Variants in SCN1A observed in about 807,000 individuals in gnomAD.
SCN1A encodes the protein sodium voltage-gated channel alpha subunit 1, also known as sodium channel protein type 1 subunit alpha.
Under a neutral mutation model 193.7 loss-of-function variants are expected in SCN1A, and 13 were observed. The ratio of observed to expected loss-of-function variants is 0.07; its 90% CI spans 0.04 to 0.11. The LOEUF (loss-of-function observed/expected upper bound fraction) is 0.11, where lower values mean the gene tolerates loss of function less well. Among genes scored for constraint, SCN1A ranks in the 10% least tolerant of loss-of-function variants. The pLI is 1.00. For missense variants in SCN1A, 1,432 were observed against 2,451.1 expected, an observed-to-expected ratio of 0.58 and a Z score of 8.78; for synonymous variants, 781 against 843.6, an observed-to-expected ratio of 0.93 and a Z score of 1.29.
chr2:166,092,924 C>T (rs1031801290), intron 2 of SCN1A, among the ~76,000 whole-genome samples: 12 of 151,994 alleles, frequency 7.9e-5, no homozygotes, highest in Non-Finnish European at 1.5e-4. Flanking sequence ...TCCATGTAAC[C>T]CATACTGAAA....
At chr2:166,060,682 A>T (rs1683209677) in intron 4 of SCN1A, 2 of 152,096 alleles carry the variant, frequency 1.3e-5, no homozygotes, top group African/African-American at 4.8e-5. Context: ...ACATGGTGAA[A>T]CCCCATCTCT....
chr2:166,123,263 G>C (rs1478876950), intron 2 of SCN1A, among the ~76,000 whole-genome samples: 1 of 88,562 alleles, frequency 1.1e-5, no homozygotes, highest in Non-Finnish European at 2.2e-5. Context: ...AAAAAAAAAA[G>C]ATTTGTTCAA....
chr2:166,104,593 A>C (rs1021606124), intron 2 of SCN1A, among the ~76,000 whole-genome samples: 4 of 152,034 alleles, frequency 2.6e-5, no homozygotes, highest in Admixed American at 2.6e-4. Context: ...AAATACAAAA[A>C]TTAACCAGGC....
chr2:166,118,298 G>GCTTCTTCTTTTTTTTTTTTTTTT (rs371947861), intron 2 of SCN1A, among the ~76,000 whole-genome samples: 3 of 44,732 alleles, frequency 6.7e-5, no homozygotes, highest in African/African-American at 2.2e-4. Context: ...TTTCTATTTA[G>GCTTCTTCTTTTTTTTTTTTTTTT]TTTCTTTTTT....
chr2:165,991,298 T>G lies in SCN1A; in HGVS notation c.5977A>C (p.Ile1993Leu). 1 of 1,613,650 alleles carries G rather than the reference T, an allele frequency of 6.2e-7. No homozygotes were observed. Among genetic ancestry groups the G allele is most frequent in the Non-Finnish European group, 8.5e-7 (1 of 1,179,816 alleles). ...CCTTCTTGCTCATGTTTTTCCACAA[T>G]TGGCTTTGTCACCCGGTCATAGGAA... ...PPSYDRVTKP[I>L]VEKHEQEGKD... Residue 1993 changes from isoleucine to leucine, a missense_variant, in exon 29 of 29, where the codon ATT (isoleucine) becomes CTT (leucine). Ile to Leu is a conservative substitution (Grantham distance 5). Around this residue, in one of 18 missense-constraint regions of SCN1A, gnomAD observed 148 missense variants for 160.3 expected, o/e 0.92. Coordinates refer to ENST00000674923, the MANE Select transcript of SCN1A (RefSeq NM_001165963.4).
At position 165,987,065 on chromosome 2, in the gene SCN1A, T is replaced by C. The variant is rs1423383697; in HGVS notation, c.*4180A>G. 6.6e-6 allele frequency: 1 copy of C among 152,288 alleles called. No individual in the cohort carries two copies. The highest frequency in any genetic ancestry group is 1.9e-4 in the East Asian group (1 of 5,184). 9.4% of individuals were successfully genotyped at this position (152,288 alleles called of 1,614,324 possible). ...CATCCAGAATTGTGTTTAGTTGTCATAGTTCTTTGACCTCATGGAATTCTT... is the reference window on the plus strand; with the variant it reads ...CATCCAGAATTGTGTTTAGTTGTCACAGTTCTTTGACCTCATGGAATTCTT... On this transcript the variant is annotated 3_prime_UTR_variant, in exon 29 of 29. Transcript: ENST00000674923.
rs1323226241 is a variant in SCN1A at position 166,043,859 on chromosome 2, C to G, written c.1853G>C (p.Arg618Pro). 1 of 1,614,166 alleles carries G rather than the reference C, an allele frequency of 6.2e-7. No homozygotes were observed. Among genetic ancestry groups the G allele is most frequent in the Non-Finnish European group, 8.5e-7 (1 of 1,180,034 alleles). ...LFVPRRHGER[R>P]NSNLSQTSRS... The stretch of plus-strand genomic sequence containing the variant: ...ACTGGTCTGACTCAGGTTGCTGTTG[C>G]GTCTCTCTCCGTGTCGTCGGGGCAC... The change falls in exon 14 of 29, where the codon CGC becomes CCC. Residue 618 changes from arginine (R) to proline (P), a missense_variant. By Grantham distance (103) the Arg-to-Pro change is moderately radical (BLOSUM62 -2). Around this residue, in one of 18 missense-constraint regions of SCN1A, gnomAD observed 316 missense variants for 362.1 expected, o/e 0.87. Coordinates refer to ENST00000674923, the MANE Select transcript of SCN1A (RefSeq NM_001165963.4).
Position 166,039,403 on chromosome 2 carries a change from C to CTT in SCN1A, c.2589+18_2589+19dup, listed in dbSNP as rs3032638. ...GTTAGAAAGGTTTTTGAATTTGGTG[C>CTT]TTTTTTTTTTTTTTTTTACCAATCG... On this transcript the variant is annotated intron_variant, in intron 17 of 28. Coordinates refer to ENST00000674923, the MANE Select transcript of SCN1A (RefSeq NM_001165963.4). 1.9e-5 allele frequency: 29 copies of CTT among 1,532,056 alleles called. No homozygotes were observed. The highest frequency in any genetic ancestry group is 1.9e-4 in the Middle Eastern group (1 of 5,192). 94.9% of individuals were successfully genotyped at this position (1,532,056 alleles called of 1,614,324 possible).
chr2:166,037,462 T>G (rs563382264), intron 18 of SCN1A, among the ~76,000 whole-genome samples: 10 of 152,322 alleles, frequency 6.6e-5, no homozygotes, highest in Admixed American at 2.6e-4. Context: ...CATCTCAATA[T>G]GATACTCTAT....
upstream of SCN1A, among the ~76,000 whole-genome samples, chr2:166,130,854 CA>C (rs1372831291): frequency 1.3e-5 from 2 of 152,106 alleles, no homozygotes; most frequent in African/African-American, 4.8e-5. Context: ...AGCATAAAGG[CA>C]AAATATGAGA....
intron 4 of SCN1A, 34 bp from the exon 5 acceptor site, chr2:166,058,722 A>G (rs759557438): frequency 8.6e-7 from 1 of 1,161,870 alleles, no homozygotes; most frequent in Admixed American, 1.7e-5. Flanking sequence ...GAAGTATGAA[A>G]GTATAAACCA....
intron 19 of SCN1A, among the ~76,000 whole-genome samples, chr2:166,029,194 C>T (rs1695212733): frequency 6.6e-6 from 1 of 152,026 alleles, no homozygotes; most frequent in African/African-American, 2.4e-5. Context: ...AGTATAGACT[C>T]CATACTGTGA....
chr2:166,066,692 C>A (rs1472084048), intron 4 of SCN1A, among the ~76,000 whole-genome samples: 3 of 152,058 alleles, frequency 2.0e-5, no homozygotes, highest in East Asian at 3.9e-4. Flanking sequence ...CTGTCTGACA[C>A]CTAAACACCT....
intron 1 of SCN1A, among the ~76,000 whole-genome samples, chr2:166,140,088 A>C (rs1167638179): frequency 1.3e-5 from 2 of 152,158 alleles, no homozygotes; most frequent in Non-Finnish European, 2.9e-5. Flanking sequence ...TGAATTTATA[A>C]ATGAGGCAAC....
At chr2:166,118,229 T>A (rs924470974) in intron 2 of SCN1A, among the ~76,000 whole-genome samples, 34 of 148,518 alleles carry the variant, frequency 2.3e-4, no homozygotes, top group African/African-American at 7.9e-4. Flanking sequence ...TTTTTGCTAT[T>A]CCACAGAGAT....
Position 166,022,073 on chromosome 2 carries a change from TA to T in SCN1A, c.3430-6347del, listed in dbSNP as rs538274167. On this transcript the variant is annotated intron_variant, in intron 19 of 28. Transcript: ENST00000674923. ...GGATCCCATTTCTAAAATAAATAAA[TA>T]CATAAATGAAAATTTAAAAAATTTT... 1.3e-3 allele frequency among the ~76,000 whole-genome samples: 201 copies of T among 152,130 alleles called. 1 individual carries two copies. The highest frequency in any genetic ancestry group is 4.8e-3 in the African/African-American group (198 of 41,512).
chr2:166,133,234 A>G (rs1049203875), intron 1 of SCN1A, among the ~76,000 whole-genome samples: 8 of 152,176 alleles, frequency 5.3e-5, no homozygotes, highest in African/African-American at 1.9e-4. Context: ...CTTCCCTGCT[A>G]TCGAGACAAC....
At chr2:165,999,073 G>A (rs2105482261) in intron 25 of SCN1A, 1 of 151,474 alleles carries the variant, frequency 6.6e-6, no homozygotes, top group African/African-American at 2.4e-5. Flanking sequence ...AGCAAAGTTG[G>A]AATGAGCATG....
At chr2:166,087,925 T>G (rs1686321817) in intron 2 of SCN1A, among the ~76,000 whole-genome samples, 1 of 152,200 alleles carries the variant, frequency 6.6e-6, no homozygotes, top group South Asian at 2.1e-4. Context: ...GATCTTTACT[T>G]GGAAATTTAG....
Sources: gnomAD v4.1 joint callset for allele counts (sites outside exome capture counted in the v4.1 genomes callset) on GRCh38, gnomAD v4.1.1 for gene constraint, gnomAD v4.1.1 regional missense constraint, MANE v1.5 for transcripts, NCBI Gene and HGNC (gene_info 2026-07-23, HGNC 2026-07-21) for gene names.